The following AKAP9 variants were observed in gnomAD, a reference collection of about 807,000 sequenced individuals.
AKAP9 encodes A-kinase anchoring protein 9, also known as A-kinase anchor protein 9.
Under a neutral mutation model 488.5 loss-of-function variants are expected in AKAP9, and 311 were observed. That is an observed-to-expected ratio of 0.64 (90% confidence interval 0.58 to 0.70). The LOEUF (loss-of-function observed/expected upper bound fraction) is 0.70, where lower values mean the gene tolerates loss of function less well. AKAP9 is among the 30% of genes least tolerant of loss of function. AKAP9 has a pLI of 0.00. For synonymous variants in AKAP9, 1,462 were observed against 1,483.5 expected (o/e 0.99, Z 0.33); for missense variants, 4,215 against 4,374.5 (o/e 0.96, Z 1.03).
chr7:91,984,139 C>T (rs74770876), intron 3 of AKAP9, among the ~76,000 whole-genome samples: 60,739 of 151,962 alleles, frequency 0.4, 12,431 homozygotes, highest in African/African-American at 0.46. Context: ...AGTTTAATTA[C>T]ATCCCATTTG....
Position 92,100,922 on chromosome 7 carries a change from T to C in AKAP9, c.10963T>C (p.Trp3655Arg). Reference sequence around the variant, plus strand: ...CATCATTGCCTCTGAAAAAGAAGTATGGAACAGAGAAAAATTGACTCTCCA... The same window carrying C: ...CATCATTGCCTCTGAAAAAGAAGTACGGAACAGAGAAAAATTGACTCTCCA... Reference protein sequence around the residue: ...EAIIASEKEVWNREKLTLQKS... With the variant: ...EAIIASEKEVRNREKLTLQKS... Residue 3655 changes from tryptophan (W) to arginine (R), a missense_variant, in exon 45 of 50, where the codon TGG becomes CGG. Physicochemically the swap from Trp to Arg is moderately radical, Grantham distance 101 (BLOSUM62 -3). This residue lies in a region of AKAP9 where 74 missense variants were observed against 113.0 expected (regional missense o/e 0.65). Coordinates refer to ENST00000356239, the MANE Select transcript of AKAP9 (RefSeq NM_005751.5). 6.2e-7 allele frequency: 1 copy of C among 1,614,106 alleles called. No individual in the cohort carries two copies. The highest frequency in any genetic ancestry group is 8.5e-7 in the Non-Finnish European group (1 of 1,180,006).
In AKAP9 at chr7:92,031,507, T is replaced by C; in HGVS notation, c.4246-5T>C. On this transcript the variant is annotated splice_polypyrimidine_tract_variant and splice_region_variant and intron_variant, in intron 15 of 49. Coordinates refer to ENST00000356239, the MANE Select transcript of AKAP9 (RefSeq NM_005751.5). ...ATAAATGTCATATTTTGCTTTTAAATGTAGTTTTCTGGTGAATTTGGAGTG... is the reference window on the plus strand; with the variant it reads ...ATAAATGTCATATTTTGCTTTTAAACGTAGTTTTCTGGTGAATTTGGAGTG... The C allele has an allele frequency of 6.2e-7, 1 of 1,602,168 alleles. No homozygotes were observed. The highest frequency in any genetic ancestry group is 8.5e-7 in the Non-Finnish European group (1 of 1,169,736).
intron 1 of AKAP9, among the ~76,000 whole-genome samples, chr7:91,950,321 C>G (rs1019897809): frequency 2.6e-5 from 4 of 151,480 alleles, no homozygotes; most frequent in African/African-American, 4.9e-5. Context: ...GCTCTGCCTC[C>G]CGGGTTCACG....
intron 38 of AKAP9, chr7:92,092,507 GT>G (rs35907726): frequency 0.42 from 63,171 of 149,740 alleles, 13,635 homozygotes; most frequent in African/African-American, 0.52. Flanking sequence ...TCCATTTAAA[GT>G]TTTTTTTTTT....
intron 7 of AKAP9, among the ~76,000 whole-genome samples, chr7:91,997,597 C>T (rs1310030984): frequency 6.6e-6 from 1 of 152,000 alleles, no homozygotes; most frequent in East Asian, 1.9e-4. Flanking sequence ...TGTTAAAAAT[C>T]AGTAAGGAGC....
intron 31 of AKAP9, among the ~76,000 whole-genome samples, chr7:92,080,568 C>T (rs111531675): frequency 0.01 from 1,542 of 151,334 alleles, 14 homozygotes; most frequent in Middle Eastern, 0.027. Context: ...ACTGCACACT[C>T]CAACCTGGGT....
At chr7:92,036,443 C>T (rs993300830) in intron 16 of AKAP9, among the ~76,000 whole-genome samples, 3 of 152,072 alleles carry the variant, frequency 2.0e-5, no homozygotes, top group African/African-American at 4.8e-5. Context: ...TAGCTCACCA[C>T]ACCCAGCTAC....
intron 23 of AKAP9, 62 bp downstream of exon 23, chr7:92,061,484 T>TGA (rs1809781195): frequency 1.8e-5 from 29 of 1,582,450 alleles, no homozygotes; most frequent in Non-Finnish European, 2.5e-5. Flanking sequence ...TAGAGATTTT[T>TGA]GATGCACAGC....
intron 8 of AKAP9, among the ~76,000 whole-genome samples, chr7:92,007,547 C>T (rs1800077605): frequency 6.6e-6 from 1 of 152,106 alleles, no homozygotes; most frequent in African/African-American, 2.4e-5. Flanking sequence ...AAAATTATAA[C>T]ACTTTAATGA....
chr7:91,950,019 A>G (rs1367923532), intron 1 of AKAP9, among the ~76,000 whole-genome samples: 1 of 152,160 alleles, frequency 6.6e-6, no homozygotes, highest in Non-Finnish European at 1.5e-5. Flanking sequence ...ATTCAGAACT[A>G]TAATCAACTT....
At chr7:92,081,474 TA>T (rs1813547135) in intron 31 of AKAP9, among the ~76,000 whole-genome samples, 7 of 52,524 alleles carry the variant, frequency 1.3e-4, no homozygotes, top group Admixed American at 9.0e-4. Flanking sequence ...CCGGCTAATT[TA>T]TATATATATA....
chr7:91,984,328 A>G (rs555921515), intron 3 of AKAP9, among the ~76,000 whole-genome samples: 118 of 152,300 alleles, frequency 7.7e-4, no homozygotes, highest in Middle Eastern at 3.4e-3. Flanking sequence ...GAAGGAGTCC[A>G]GTTTCAGTTT....
intron 44 of AKAP9, chr7:92,100,098 A>G (rs1817272829): frequency 2.2e-6 from 1 of 444,904 alleles, no homozygotes. Context: ...GTATACATAC[A>G]GAATCTCTAA....
At chr7:91,946,058 G>A (rs1370669277) in intron 1 of AKAP9, among the ~76,000 whole-genome samples, 1 of 152,054 alleles carries the variant, frequency 6.6e-6, no homozygotes, top group East Asian at 1.9e-4. Flanking sequence ...AACATTTTCA[G>A]TGTGAAGAGT....
chr7:91,963,733 T>C (rs967136414), intron 1 of AKAP9, among the ~76,000 whole-genome samples: 11 of 152,310 alleles, frequency 7.2e-5, no homozygotes, highest in African/African-American at 2.6e-4. Flanking sequence ...TTAGGCAGGA[T>C]GGTCTTGAAC....
chr7:91,989,769 T>C (rs1258684391), intron 3 of AKAP9, among the ~76,000 whole-genome samples: 1 of 152,052 alleles, frequency 6.6e-6, no homozygotes, highest in African/African-American at 2.4e-5. Context: ...AGATTTTTAT[T>C]TTTTATGAAA....
intron 18 of AKAP9, 36 bp downstream of exon 18, chr7:92,040,934 A>G: frequency 1.3e-6 from 2 of 1,528,732 alleles, no homozygotes; most frequent in Non-Finnish European, 1.8e-6. Flanking sequence ...CTCCCCAGTT[A>G]TTTTTTTTTC....
rs547889607 is a variant in AKAP9, at chr7:92,006,250, A to G, written c.3318+3015A>G. Among the ~76,000 whole-genome samples, 439 of 151,790 alleles carry G rather than the reference A, an allele frequency of 2.9e-3. 4 individuals are homozygous for G. Among genetic ancestry groups the G allele is most frequent in the Non-Finnish European group, 5.2e-3 (350 of 67,930 alleles). On this transcript the variant is annotated intron_variant, in intron 8 of 49. Coordinates refer to ENST00000356239, the MANE Select transcript of AKAP9 (RefSeq NM_005751.5). ...CCTGCAGCCTTGACCTCCTGGACTC[A>G]GGTGATCCTCTCACCTCAGCCTCCT...
At chr7:92,095,740 T>G (rs1816457383) in intron 40 of AKAP9, among the ~76,000 whole-genome samples, 1 of 152,180 alleles carries the variant, frequency 6.6e-6, no homozygotes, top group African/African-American at 2.4e-5. Context: ...GTAATCCTAA[T>G]TCTCACTAAC....
Sources: gnomAD v4.1 joint callset for allele counts (sites outside exome capture counted in the v4.1 genomes callset) on GRCh38, gnomAD v4.1.1 for gene constraint, gnomAD v4.1.1 regional missense constraint, MANE v1.5 for transcripts, NCBI Gene and HGNC (gene_info 2026-07-23, HGNC 2026-07-21) for gene names.